MYCBP2: variants seen among roughly 807,000 people sequenced by gnomAD.
MYCBP2 encodes MYC binding protein 2.
MYCBP2 carries 120 observed loss-of-function variants against 525.3 expected under a neutral mutation model. The observed-to-expected ratio is 0.23, with a 90% CI of 0.20 to 0.27. The LOEUF (loss-of-function observed/expected upper bound fraction) is 0.27, where lower values mean the gene tolerates loss of function less well. Among genes scored for constraint, MYCBP2 ranks in the 10% least tolerant of loss-of-function variants. The pLI, the probability that MYCBP2 is intolerant of heterozygous loss-of-function variation, is 1.00. For missense variants in MYCBP2, 4,149 were observed against 5,657.1 expected, an observed-to-expected ratio of 0.73 and a Z score of 8.55; for synonymous variants, 1,894 against 1,955.8, an observed-to-expected ratio of 0.97 and a Z score of 0.83.
chr13:77,132,220 A>G (rs973279328), intron 52 of MYCBP2, among the ~76,000 whole-genome samples: 1 of 152,196 alleles, frequency 6.6e-6, no homozygotes, highest in African/African-American at 2.4e-5. Flanking sequence ...ATGTATACAC[A>G]TACACACAAA....
At chr13:77,321,706 C>T (rs185679259) in intron 1 of MYCBP2, among the ~76,000 whole-genome samples, 15 of 152,338 alleles carry the variant, frequency 9.8e-5, no homozygotes, top group East Asian at 3.9e-4. Flanking sequence ...GCCTAGAATG[C>T]CATGCCTTTG....
chr13:77,261,514 A>G lies in MYCBP2; in HGVS notation c.1648-139T>C, dbSNP rs563314977. Reference sequence around the variant, plus strand: ...AAACAAACTCTTTTTTACACTATTCAGCTTCTGGGAGTTGAGCAAGAAATA... The same window carrying G: ...AAACAAACTCTTTTTTACACTATTCGGCTTCTGGGAGTTGAGCAAGAAATA... On this transcript the variant is annotated intron_variant, in intron 11 of 82. Coordinates refer to ENST00000544440, the MANE Select transcript of MYCBP2 (RefSeq NM_015057.5). The G allele has an allele frequency of 2.8e-4, 186 of 656,938 alleles. No homozygotes were observed. The African/African-American group carries it at 3.2e-3, about 11-fold the overall frequency. The allele number at this position is 656,938 out of a possible 1,614,324, so 40.7% of individuals were successfully genotyped here.
intron 61 of MYCBP2, 73 bp downstream of exon 61, chr13:77,088,759 T>C: frequency 7.7e-7 from 1 of 1,292,992 alleles, no homozygotes; most frequent in Non-Finnish European, 1.1e-6. Context: ...GGTAAAAAAG[T>C]GGCATCGTGA....
intron 10 of MYCBP2, among the ~76,000 whole-genome samples, chr13:77,263,162 G>A (rs1045925219): frequency 6.6e-6 from 1 of 151,912 alleles, no homozygotes; most frequent in Admixed American, 6.6e-5. Flanking sequence ...TTACTGATCC[G>A]TGTGTAAGGC....
chr13:77,167,008 CACACACACACACACACA>C (rs1566780901), intron 40 of MYCBP2, among the ~76,000 whole-genome samples: 6 of 151,060 alleles, frequency 4.0e-5, no homozygotes, highest in East Asian at 1.9e-4. Context: ...CACACACACA[CACACACACACACACACA>C]CCAAATGAAA....
intron 34 of MYCBP2, among the ~76,000 whole-genome samples, chr13:77,178,352 T>C (rs940012044): frequency 6.6e-6 from 1 of 152,208 alleles, no homozygotes; most frequent in Non-Finnish European, 1.5e-5. Flanking sequence ...TCTGCAGAGA[T>C]AGGTGTGCAA....
chr13:77,243,965 C>CAAAAAA lies in MYCBP2; in HGVS notation c.2382-20_2382-15dup, dbSNP rs35429706. 5.0e-6 allele frequency: 6 copies of CAAAAAA among 1,192,186 alleles called. No individual in the cohort carries two copies. Among genetic ancestry groups the CAAAAAA allele is most frequent in the Admixed American group, 4.3e-5 (1 of 23,094 alleles). 73.9% of individuals were successfully genotyped at this position (1,192,186 alleles called of 1,614,324 possible). A position where few individuals can be genotyped will look rare whatever the true frequency, so the allele number is the denominator to read the frequency against. Reference sequence around the variant, plus strand: ...CAACCACAGATCCTAGGGGGAAATACAAAAAAAAAAAAAAAAGACAACTGA... The same window carrying CAAAAAA: ...CAACCACAGATCCTAGGGGGAAATACAAAAAAAAAAAAAAAAAAAAAAGACAACTGA... On this transcript the variant is annotated splice_polypyrimidine_tract_variant and intron_variant, in intron 15 of 82. Transcript: ENST00000544440.
intron 52 of MYCBP2, chr13:77,129,105 A>G (rs1208517964): frequency 5.0e-6 from 2 of 396,818 alleles, no homozygotes; most frequent in African/African-American, 4.1e-5. Flanking sequence ...AATTTGTTAT[A>G]CATGCTGAAA....
intron 27 of MYCBP2, 35 bp downstream of exon 27, chr13:77,194,118 C>T: frequency 7.3e-7 from 1 of 1,372,470 alleles, no homozygotes; most frequent in Non-Finnish European, 1.0e-6. Flanking sequence ...ATTAAGTATG[C>T]AAGAGTTACA....
chr13:77,160,216 G>A (rs563339367), intron 44 of MYCBP2, among the ~76,000 whole-genome samples: 56 of 152,124 alleles, frequency 3.7e-4, no homozygotes, highest in African/African-American at 1.2e-3. Flanking sequence ...ACAGGCATGC[G>A]CCACCACGCC....
At chr13:77,119,990 G>A (rs1401250348) in intron 55 of MYCBP2, among the ~76,000 whole-genome samples, 1 of 152,034 alleles carries the variant, frequency 6.6e-6, no homozygotes, top group Non-Finnish European at 1.5e-5. Context: ...CAATGTTTGT[G>A]TCTCAAACAT....
intron 76 of MYCBP2, among the ~76,000 whole-genome samples, chr13:77,060,476 A>C (rs2039075647): frequency 6.6e-6 from 1 of 152,230 alleles, no homozygotes; most frequent in African/African-American, 2.4e-5. Context: ...CCAACACTGG[A>C]AGTTCGTGTC....
rs560250523 is a variant in MYCBP2, at chr13:77,087,400, T to C, written c.10875+84A>G. The C allele has an allele frequency of 6.8e-6, 8 of 1,179,354 alleles. No individual in the cohort carries two copies. The East Asian group carries it at 1.5e-4, about 22-fold the overall frequency. 73.1% of individuals were successfully genotyped at this position (1,179,354 alleles called of 1,614,324 possible). ...GCTTTCAAGTTAGATCTGCGAATGATTTCATGCAAATTATTGGACTATTTG... is the reference window on the plus strand; with the variant it reads ...GCTTTCAAGTTAGATCTGCGAATGACTTCATGCAAATTATTGGACTATTTG... On this transcript the variant is annotated intron_variant, in intron 62 of 82. Transcript: ENST00000544440.
In MYCBP2 at chr13:77,076,838, C is replaced by A; in HGVS notation, c.11736G>T (p.Lys3912Asn). 6.2e-7 allele frequency: 1 copy of A among 1,611,190 alleles called. No homozygotes were observed. The change falls in exon 68 of 83, where the codon AAG becomes AAT. Residue 3912 changes from lysine (K) to asparagine (N), a missense_variant. By Grantham distance (94) the Lys-to-Asn change is moderately conservative (BLOSUM62 0). Coordinates refer to ENST00000544440, the MANE Select transcript of MYCBP2 (RefSeq NM_015057.5). ...FRLITSQVFG[K>N]LISGDAEPTP... is the part of the protein sequence containing the mutation. Reference sequence around the variant, plus strand: ...TAGGTTCAGCATCTCCAGAGATGAGCTTTCCAAATACCTGATGAAGATATG... The same window carrying A: ...TAGGTTCAGCATCTCCAGAGATGAGATTTCCAAATACCTGATGAAGATATG...
chr13:77,299,246 T>C (rs2078515899), intron 1 of MYCBP2, among the ~76,000 whole-genome samples: 1 of 152,196 alleles, frequency 6.6e-6, no homozygotes, highest in Non-Finnish European at 1.5e-5. Context: ...CCAATGTTTG[T>C]GTCTGTTTTA....
At chr13:77,078,443 AACAG>A (rs2042707070) in intron 66 of MYCBP2, among the ~76,000 whole-genome samples, 1 of 152,210 alleles carries the variant, frequency 6.6e-6, no homozygotes, top group Admixed American at 6.6e-5. Context: ...TAAGTGTTAT[AACAG>A]ACAGATTTTT....
At chr13:77,181,256 A>G (rs1049678625) in intron 33 of MYCBP2, among the ~76,000 whole-genome samples, 5 of 152,170 alleles carry the variant, frequency 3.3e-5, no homozygotes, top group African/African-American at 1.2e-4. Context: ...AATGTTTCCT[A>G]TACCTATTAT....
chr13:77,262,226 A>G, intron 10 of MYCBP2, 97 bp from the exon 11 acceptor site: 2 of 984,040 alleles, frequency 2.0e-6, no homozygotes, highest in Non-Finnish European at 1.5e-6. Context: ...TCAATTCAAA[A>G]TCACTAAAAA....
At chr13:77,222,436 C>T (rs891172610) in intron 20 of MYCBP2, among the ~76,000 whole-genome samples, 2 of 152,104 alleles carry the variant, frequency 1.3e-5, no homozygotes, top group Admixed American at 6.6e-5. Context: ...ATATCTCAAT[C>T]GTCTCTTATC....
Sources: gnomAD v4.1 joint callset for allele counts (sites outside exome capture counted in the v4.1 genomes callset) on GRCh38, gnomAD v4.1.1 for gene constraint, MANE v1.5 for transcripts, NCBI Gene and HGNC (gene_info 2026-07-23, HGNC 2026-07-21) for gene names.